CSMD1: variants seen among roughly 807,000 people sequenced by gnomAD.
CSMD1 encodes the protein CUB and sushi domain-containing protein 1.
A neutral mutation model predicts 417.5 loss-of-function variants in CSMD1; 213 were observed. The ratio of observed to expected loss-of-function variants is 0.51; its 90% CI spans 0.46 to 0.57. The LOEUF (loss-of-function observed/expected upper bound fraction) is 0.57. Ranked by LOEUF, CSMD1 falls within the 20% of genes least tolerant of loss-of-function variation. The pLI is 0.00. For synonymous variants in CSMD1, 2,862 were observed against 1,736.8 expected (o/e 1.65, Z -16.11); for missense variants, 6,923 against 4,529.7 (o/e 1.53, Z -15.17).
rs370552310 is a variant in CSMD1 at position 3,367,167 on chromosome 8, C to G, written c.2980G>C (p.Glu994Gln). 6.2e-6 allele frequency: 10 copies of G among 1,613,510 alleles called. No individual in the cohort carries two copies. The highest frequency in any genetic ancestry group is 8.5e-6 in the Non-Finnish European group (10 of 1,179,728). The change falls in exon 20 of 70, where the codon GAG becomes CAG. Residue 994 changes from glutamate (E) to glutamine (Q), a missense_variant. Transcript: ENST00000635120. ...GACCCGGTGAGCCTGGCAACGGGCT[C>G]GGAAAAACTTCCATCCTCTGTGATC... ...LLITEDGSFS[E>Q]PVARLTGSVL...
intron 4 of CSMD1, among the ~76,000 whole-genome samples, chr8:4,023,166 T>C (rs1305220704): frequency 6.6e-6 from 1 of 152,192 alleles, no homozygotes; most frequent in Non-Finnish European, 1.5e-5. Flanking sequence ...ACTCAAGTTC[T>C]TCCTTTTCAC....
intron 1 of CSMD1, among the ~76,000 whole-genome samples, chr8:4,943,509 G>GAAATA (rs71209140): frequency 3.1e-4 from 45 of 147,532 alleles, no homozygotes; most frequent in African/African-American, 8.7e-4. Flanking sequence ...AAAATAAAAT[G>GAAATA]AAATAAAATA....
chr8:4,652,233 T>A (rs568792300), intron 1 of CSMD1, among the ~76,000 whole-genome samples: 1 of 152,026 alleles, frequency 6.6e-6, no homozygotes, highest in Admixed American at 6.5e-5. Flanking sequence ...AAGGATGGGA[T>A]TGGGGAAAAT....
At position 3,387,671 on chromosome 8, in the gene CSMD1, C is replaced by G; in HGVS notation, c.2605G>C (p.Glu869Gln). 2 of 1,595,168 alleles carry G rather than the reference C, an allele frequency of 1.3e-6. No individual in the cohort carries two copies. Among genetic ancestry groups the G allele is most frequent in the Non-Finnish European group, 8.5e-7 (1 of 1,170,596 alleles). Reference sequence around the variant, plus strand: ...CCCGGGTCCAGGCAGGAATCCGACTCAAGCGTCACACCTGGATGCACAGAA... The same window carrying G: ...CCCGGGTCCAGGCAGGAATCCGACTGAAGCGTCACACCTGGATGCACAGAA... ...FLIHYESVTL[E>Q]SDSCLDPGIP... Residue 869 changes from glutamate (E) to glutamine (Q), a missense_variant, in exon 18 of 70, where the codon GAG becomes CAG. Transcript: ENST00000635120.
chr8:4,261,569 A>G (rs920724767), intron 3 of CSMD1, among the ~76,000 whole-genome samples: 2 of 151,896 alleles, frequency 1.3e-5, no homozygotes, highest in African/African-American at 2.4e-5. Flanking sequence ...TATTTATTTT[A>G]TTTTACCTAT....
At chr8:3,887,504 G>C (rs961076343) in intron 5 of CSMD1, among the ~76,000 whole-genome samples, 2 of 152,180 alleles carry the variant, frequency 1.3e-5, no homozygotes, top group East Asian at 3.9e-4. Flanking sequence ...GAACATTAGA[G>C]TTGCCTGTTT....
At chr8:4,124,957 C>G (rs149362428) in intron 3 of CSMD1, among the ~76,000 whole-genome samples, 53 of 152,264 alleles carry the variant, frequency 3.5e-4, no homozygotes, top group African/African-American at 1.1e-3. Context: ...TCCCCTTCCA[C>G]CTCTTGGAAG....
At chr8:4,721,058 T>C (rs1447067180) in intron 1 of CSMD1, among the ~76,000 whole-genome samples, 2 of 152,210 alleles carry the variant, frequency 1.3e-5, no homozygotes, top group African/African-American at 4.8e-5. Flanking sequence ...ACTCTAATAA[T>C]AAACCTCTCA....
chr8:3,972,918 G>A (rs1207622374), intron 5 of CSMD1, among the ~76,000 whole-genome samples: 1 of 151,954 alleles, frequency 6.6e-6, no homozygotes, highest in African/African-American at 2.4e-5. Flanking sequence ...AACCTAAATG[G>A]GCAAAGTAGG....
chr8:3,903,521 C>T (rs1045294580), intron 5 of CSMD1, among the ~76,000 whole-genome samples: 2 of 152,160 alleles, frequency 1.3e-5, no homozygotes, highest in African/African-American at 4.8e-5. Context: ...TATACAGATA[C>T]AGTAATTGCC....
At chr8:3,148,807 TCCCA>T (rs1378425754) in intron 40 of CSMD1, among the ~76,000 whole-genome samples, 1 of 152,164 alleles carries the variant, frequency 6.6e-6, no homozygotes, top group African/African-American at 2.4e-5. Flanking sequence ...ATGCCTCTCC[TCCCA>T]ATTTCTCACT....
chr8:2,971,445 GT>G (rs1233471038), intron 57 of CSMD1, among the ~76,000 whole-genome samples: 1 of 152,104 alleles, frequency 6.6e-6, no homozygotes, highest in Non-Finnish European at 1.5e-5. Context: ...TGCCCCTAGG[GT>G]TTTGGGGGAT....
chr8:4,443,497 G>A (rs973268304), intron 2 of CSMD1, among the ~76,000 whole-genome samples: 4 of 152,058 alleles, frequency 2.6e-5, no homozygotes, highest in African/African-American at 9.7e-5. Context: ...TTCTTTATAT[G>A]CCACATATAT....
intron 6 of CSMD1, among the ~76,000 whole-genome samples, chr8:3,709,420 T>G (rs762607491): frequency 6.6e-5 from 10 of 152,054 alleles, no homozygotes; most frequent in Non-Finnish European, 5.9e-5. Context: ...TAAATAGCTG[T>G]GAGGGTTAGT....
At chr8:2,948,258 C>T (rs906879957) in intron 68 of CSMD1, among the ~76,000 whole-genome samples, 7 of 152,008 alleles carry the variant, frequency 4.6e-5, no homozygotes, top group African/African-American at 1.7e-4. Context: ...CGTGGCCTCT[C>T]AATCTCGTAA....
At chr8:3,752,794 G>A (rs1005341840) in intron 6 of CSMD1, among the ~76,000 whole-genome samples, 19 of 150,218 alleles carry the variant, frequency 1.3e-4, no homozygotes, top group African/African-American at 4.2e-4. Flanking sequence ...GGCAAATAAA[G>A]ACTGCTGGTT....
At chr8:4,153,079 CT>C (rs1796654979) in intron 3 of CSMD1, among the ~76,000 whole-genome samples, 1 of 151,996 alleles carries the variant, frequency 6.6e-6, no homozygotes, top group Non-Finnish European at 1.5e-5. Context: ...GGGTATGATT[CT>C]TTTTCAGATG....
At chr8:4,416,688 G>T (rs183318316) in intron 3 of CSMD1, among the ~76,000 whole-genome samples, 1 of 151,950 alleles carries the variant, frequency 6.6e-6, no homozygotes, top group Non-Finnish European at 1.5e-5. Flanking sequence ...TTAGATGACC[G>T]TGTATCACCC....
rs200382321 is a variant in CSMD1, at chr8:3,141,366, T to C, written c.6241+1099A>G. On this transcript the variant is annotated intron_variant, in intron 41 of 69. Transcript: ENST00000635120. Reference sequence around the variant, plus strand: ...GTCCTTGTTCATTCCTGGACATAGATTGAATTAATTTGGGAAGGAATTCAA... The same window carrying C: ...GTCCTTGTTCATTCCTGGACATAGACTGAATTAATTTGGGAAGGAATTCAA... Among the ~76,000 whole-genome samples, 8 of 152,346 alleles carry C rather than the reference T, an allele frequency of 5.3e-5. No individual in the cohort carries two copies. The East Asian group carries it at 1.2e-3, about 22-fold the overall frequency.
Sources: allele counts gnomAD v4.1 joint callset (sites outside exome capture counted in the v4.1 genomes callset), GRCh38; gene constraint gnomAD v4.1.1; transcripts MANE v1.5; gene names NCBI Gene and HGNC (gene_info 2026-07-23, HGNC 2026-07-21).